The following SENP7 variants were observed in gnomAD, a reference collection of about 807,000 sequenced individuals.
SENP7 encodes sentrin-specific protease 7.
SENP7 carries 64 observed loss-of-function variants against 141.2 expected under a neutral mutation model. The observed-to-expected ratio is 0.45, with a 90% CI of 0.37 to 0.56. SENP7 has a LOEUF of 0.56. Among genes scored for constraint, SENP7 ranks in the 20% least tolerant of loss-of-function variants. SENP7 has a pLI of 0.00. For missense variants in SENP7, 1,025 were observed against 1,212.2 expected, an observed-to-expected ratio of 0.85 and a Z score of 2.29; for synonymous variants, 382 against 426.4, an observed-to-expected ratio of 0.90 and a Z score of 1.28.
rs540036002 is a variant in SENP7, at chr3:101,348,135, C to T, written c.1658-84G>A. The stretch of plus-strand genomic sequence containing the variant: ...AAACATTATATGACACTTGTTAATA[C>T]ACTACTTTTTTTAAAAAAAAGAGAA... On this transcript the variant is annotated intron_variant, in intron 12 of 23. Coordinates refer to ENST00000394095, the MANE Select transcript of SENP7 (RefSeq NM_020654.5). 381 of 837,332 alleles carry T rather than the reference C, an allele frequency of 4.6e-4. 1 individual carries two copies. The East Asian group carries it at 6.1e-3, about 13-fold the overall frequency. The allele number at this position is 837,332 out of a possible 1,614,324, so 51.9% of individuals were successfully genotyped here.
chr3:101,348,487 T>C (rs111674858), intron 12 of SENP7, among the ~76,000 whole-genome samples: 2 of 152,152 alleles, frequency 1.3e-5, no homozygotes, highest in Non-Finnish European at 2.9e-5. Flanking sequence ...CAGAAAATGA[T>C]ATATTTCCAC....
chr3:101,407,199 G>A (rs1003363485), intron 5 of SENP7, among the ~76,000 whole-genome samples: 2 of 152,096 alleles, frequency 1.3e-5, no homozygotes. Flanking sequence ...AAGACAAAGA[G>A]GGGCATTATA....
intron 6 of SENP7, among the ~76,000 whole-genome samples, chr3:101,376,090 C>T (rs1294201461): frequency 1.3e-5 from 2 of 152,074 alleles, no homozygotes; most frequent in Non-Finnish European, 2.9e-5. Flanking sequence ...AAAAATAAGC[C>T]ACTAACTAAA....
At chr3:101,332,996 A>T in intron 17 of SENP7, 134 bp from the exon 18 acceptor site, 1 of 862,718 alleles carries the variant, frequency 1.2e-6, no homozygotes, top group South Asian at 2.2e-5. Flanking sequence ...CATATTTAAC[A>T]CATTATAAAT....
intron 4 of SENP7, among the ~76,000 whole-genome samples, chr3:101,434,298 G>T (rs1187036208): frequency 6.6e-6 from 1 of 151,826 alleles, no homozygotes; most frequent in Non-Finnish European, 1.5e-5. Context: ...TCAGAGGAAA[G>T]TTTATAGTTT....
intron 6 of SENP7, among the ~76,000 whole-genome samples, chr3:101,380,882 T>C (rs2060483606): frequency 6.6e-6 from 1 of 152,114 alleles, no homozygotes; most frequent in Admixed American, 6.5e-5. Flanking sequence ...ACTCCATCAA[T>C]AAAAAGTAGG....
chr3:101,502,793 G>A lies in SENP7; in HGVS notation c.41-1674C>T, dbSNP rs539818809. Among the ~76,000 whole-genome samples the A allele has an allele frequency of 1.5e-4, 23 of 152,068 alleles. No homozygotes were observed. In the South Asian group the frequency reaches 4.8e-3, roughly 32 times the overall value. On this transcript the variant is annotated intron_variant, in intron 1 of 23. Coordinates refer to ENST00000394095, the MANE Select transcript of SENP7 (RefSeq NM_020654.5). Reference sequence around the variant, plus strand: ...GAGCTGGACACGGTAGCACATGCCTGTAGTTCCAGCTACTCAGGAGGCTGA... The same window carrying A: ...GAGCTGGACACGGTAGCACATGCCTATAGTTCCAGCTACTCAGGAGGCTGA...
chr3:101,378,915 GA>G (rs1327244937), intron 6 of SENP7, among the ~76,000 whole-genome samples: 2 of 151,606 alleles, frequency 1.3e-5, no homozygotes, highest in Non-Finnish European at 2.9e-5. Context: ...AGTGTTCAGA[GA>G]AAAAAAACCT....
At chr3:101,493,828 C>A in intron 3 of SENP7, 45 bp downstream of exon 3, 1 of 1,118,334 alleles carries the variant, frequency 8.9e-7, no homozygotes. Context: ...TTTAAACATA[C>A]CAAATAAAAC....
At chr3:101,506,239 C>T (rs1308933428) in intron 1 of SENP7, among the ~76,000 whole-genome samples, 3 of 151,860 alleles carry the variant, frequency 2.0e-5, no homozygotes, top group Non-Finnish European at 4.4e-5. Context: ...AGGCTGGTCT[C>T]GAACTCCTGA....
chr3:101,389,016 A>C (rs2060737184), intron 6 of SENP7, among the ~76,000 whole-genome samples: 1 of 152,208 alleles, frequency 6.6e-6, no homozygotes, highest in African/African-American at 2.4e-5. Context: ...ATGACCAAAT[A>C]TTCCATTTTC....
intron 11 of SENP7, 93 bp downstream of exon 11, chr3:101,361,617 TAATTC>T: frequency 1.6e-6 from 2 of 1,242,262 alleles, no homozygotes; most frequent in Non-Finnish European, 2.1e-6. Context: ...AAATAAATCT[TAATTC>T]TATTCTTATT....
chr3:101,404,665 A>C (rs1576241274), intron 5 of SENP7, among the ~76,000 whole-genome samples: 2 of 152,324 alleles, frequency 1.3e-5, no homozygotes, highest in African/African-American at 4.8e-5. Flanking sequence ...AGTTTTTGCA[A>C]TCTATCCATC....
Position 101,325,360 on chromosome 3 carries a change from A to G in SENP7, c.*583T>C, listed in dbSNP as rs1381004034. On this transcript the variant is annotated 3_prime_UTR_variant, in exon 24 of 24. Transcript: ENST00000394095. ...TGAGAATAATAAGCTGCACTTTAAA[A>G]GAGCGAATTTTTATCATCTTCCTAA... is the stretch of plus-strand genomic sequence containing the variant. 1 of 152,550 alleles carries G rather than the reference A, an allele frequency of 6.6e-6. No individual in the cohort carries two copies. The highest frequency in any genetic ancestry group is 1.5e-5 in the Non-Finnish European group (1 of 68,010). The allele number at this position is 152,550 out of a possible 1,614,324, so 9.4% of individuals were successfully genotyped here.
intron 17 of SENP7, 26 bp downstream of exon 17, chr3:101,337,483 T>A (rs1445492410): frequency 6.9e-7 from 1 of 1,441,908 alleles, no homozygotes; most frequent in Non-Finnish European, 9.5e-7. Context: ...CTCTTAAAAC[T>A]TAAGTACATT....
chr3:101,466,930 C>T (rs899990994), intron 3 of SENP7, among the ~76,000 whole-genome samples: 2 of 152,160 alleles, frequency 1.3e-5, no homozygotes, highest in Non-Finnish European at 2.9e-5. Flanking sequence ...CCTTTCCTAG[C>T]CAAGGGAAGC....
At chr3:101,437,862 G>C (rs2062450567) in intron 4 of SENP7, among the ~76,000 whole-genome samples, 1 of 151,774 alleles carries the variant, frequency 6.6e-6, no homozygotes, top group Non-Finnish European at 1.5e-5. Context: ...TTTATAAATA[G>C]GAAAATGCAA....
At chr3:101,357,432 C>A in intron 11 of SENP7, 1 of 968,632 alleles carries the variant, frequency 1.0e-6, no homozygotes. Flanking sequence ...GGGAAAAAAC[C>A]TTTGACTACG....
At chr3:101,506,668 A>G (rs1289938501) in intron 1 of SENP7, among the ~76,000 whole-genome samples, 2 of 152,090 alleles carry the variant, frequency 1.3e-5, no homozygotes, top group Non-Finnish European at 2.9e-5. Flanking sequence ...TAATTATCAT[A>G]TAAGAGGCAT....
Sources: allele counts gnomAD v4.1 joint callset (sites outside exome capture counted in the v4.1 genomes callset), GRCh38; gene constraint gnomAD v4.1.1; transcripts MANE v1.5; gene names NCBI Gene and HGNC (gene_info 2026-07-23, HGNC 2026-07-21).